COL6A6: variants seen among roughly 807,000 people sequenced by gnomAD.
COL6A6 encodes the protein collagen alpha-6(VI) chain.
In COL6A6, 183 loss-of-function variants were observed where a neutral mutation model predicts 208.6. The observed-to-expected ratio is 0.88, with a 90% CI of 0.78 to 0.99. The LOEUF is 0.99. COL6A6 is among the 50% of genes least tolerant of loss of function. The probability of loss-of-function intolerance (pLI) is 0.00; values close to 1 mark genes in which losing one functional copy is unlikely to be tolerated. For synonymous variants in COL6A6, 973 were observed against 1,011.8 expected, an observed-to-expected ratio of 0.96 and a Z score of 0.73; for missense variants, 2,816 against 2,815.2, an observed-to-expected ratio of 1.00 and a Z score of -0.01.
chr3:130,525,344 G>A (rs746430399), intron 1 of COL6A6, among the ~76,000 whole-genome samples: 8 of 152,130 alleles, frequency 5.3e-5, no homozygotes, highest in African/African-American at 1.4e-4. Context: ...TTTTAGAAGA[G>A]GGAAAAAAGG....
rs779270698 is a variant in COL6A6 at position 130,641,654 on chromosome 3, A to G, written c.5094A>G (p.Ile1698Met). 17 of 1,571,024 alleles carry G rather than the reference A, an allele frequency of 1.1e-5. No individual in the cohort carries two copies. Among genetic ancestry groups the G allele is most frequent in the Middle Eastern group, 1.8e-4 (1 of 5,692 alleles). The change falls in exon 29 of 37, where the codon ATA becomes ATG. Residue 1698 changes from isoleucine (I) to methionine (M), a missense_variant and splice_region_variant. By Grantham distance (10) the Ile-to-Met change is conservative (BLOSUM62 1). Transcript: ENST00000358511. ...TTTAAAATAAATTCTCCTTTGAGAT[A>G]TCTGCTGGGCTTCCAGGAGAGATGG... ...TGLKGARGKM[I>M]SAGLPGEMGS...
intron 23 of COL6A6, 44 bp from the exon 24 acceptor site, chr3:130,621,777 G>C: frequency 6.5e-7 from 1 of 1,547,184 alleles, no homozygotes; most frequent in Admixed American, 1.7e-5. Context: ...AAGAAAAGTT[G>C]CTTTATGTTT....
intron 23 of COL6A6, among the ~76,000 whole-genome samples, chr3:130,618,828 C>A (rs1297400649): frequency 6.6e-6 from 1 of 152,212 alleles, no homozygotes; most frequent in Non-Finnish European, 1.5e-5. Flanking sequence ...ACAGGATAAT[C>A]TCTCATTGTT....
intron 6 of COL6A6, 125 bp from the exon 7 acceptor site, chr3:130,570,693 G>A (rs376016768): frequency 2.0e-5 from 14 of 695,270 alleles, no homozygotes; most frequent in Non-Finnish European, 2.9e-5. Context: ...CCAGGGAACC[G>A]ACATTCTAAT....
chr3:130,519,054 C>G (rs935553594), intron 1 of COL6A6, among the ~76,000 whole-genome samples: 1 of 152,094 alleles, frequency 6.6e-6, no homozygotes, highest in Non-Finnish European at 1.5e-5. Context: ...TAAATACTTG[C>G]AATTTTCATT....
chr3:130,626,504 G>A lies in COL6A6; in HGVS notation c.4898G>A (p.Gly1633Glu), dbSNP rs1406865634. ...QGNKGEPGDLGEKGAVGFPGP... is the reference protein window; with the variant it reads ...QGNKGEPGDLEEKGAVGFPGP... ...TAACAGGGAGAACCTGGAGATCTGG[G>A]AGAAAAAGGAGCTGTTGGCTTTCCT... Residue 1633 changes from glycine (G) to glutamate (E), a missense_variant, in exon 25 of 37, where the codon GGA becomes GAA. By Grantham distance (98) the Gly-to-Glu change is moderately conservative. Coordinates refer to ENST00000358511, the MANE Select transcript of COL6A6 (RefSeq NM_001102608.3). 3 of 1,613,390 alleles carry A rather than the reference G, an allele frequency of 1.9e-6. No homozygotes were observed. The highest frequency in any genetic ancestry group is 1.3e-5 in the African/African-American group (1 of 75,050).
At chr3:130,656,337 C>T (rs545036234) in intron 33 of COL6A6, among the ~76,000 whole-genome samples, 23 of 152,092 alleles carry the variant, frequency 1.5e-4, no homozygotes, top group African/African-American at 5.1e-4. Flanking sequence ...TATTGAGTGA[C>T]AGAACAGCTC....
At position 130,675,309 on chromosome 3, in the gene COL6A6, A is replaced by T. The variant is rs942918693; in HGVS notation, c.6704A>T (p.Asp2235Val). Residue 2235 changes from aspartate to valine, a missense_variant, in exon 37 of 37, where the codon GAT becomes GTT. Asp to Val is a radical substitution (Grantham distance 152). Transcript: ENST00000358511. ...TCAAGAGTAGCAAGAAGTGGCAGAG[A>T]TGATGCTATTCAAAATTTTATGAGA... ...YLSRVARSGRDDAIQNFMRST... is the reference protein window; with the variant it reads ...YLSRVARSGRVDAIQNFMRST... 6.3e-7 allele frequency: 1 copy of T among 1,596,638 alleles called. No homozygotes were observed. Among genetic ancestry groups the T allele is most frequent in the Non-Finnish European group, 8.5e-7 (1 of 1,170,676 alleles).
intron 1 of COL6A6, among the ~76,000 whole-genome samples, chr3:130,531,264 GT>G (rs2107705312): frequency 6.6e-6 from 1 of 151,672 alleles, no homozygotes; most frequent in South Asian, 2.1e-4. Flanking sequence ...ACTGCAGGAT[GT>G]TTAGCAGCAT....
intron 7 of COL6A6, 26 bp downstream of exon 7, chr3:130,571,419 C>T (rs1162208953): frequency 1.3e-6 from 2 of 1,497,726 alleles, no homozygotes; most frequent in Non-Finnish European, 1.8e-6. Flanking sequence ...TAAGTTTTTC[C>T]TAATTATTAG....
chr3:130,626,425 A>C (rs1475047023), intron 24 of COL6A6, 60 bp from the exon 25 acceptor site: 1 of 1,160,780 alleles, frequency 8.6e-7, no homozygotes, highest in East Asian at 2.3e-5. Context: ...CACACAGATG[A>C]GCTGAATTAG....
intron 11 of COL6A6, among the ~76,000 whole-genome samples, chr3:130,588,796 G>C (rs1423265911): frequency 6.6e-6 from 1 of 151,910 alleles, no homozygotes; most frequent in African/African-American, 2.4e-5. Context: ...CACATCAGTT[G>C]GCATGCAGTC....
At chr3:130,618,775 C>A (rs1173682982) in intron 23 of COL6A6, among the ~76,000 whole-genome samples, 1 of 152,204 alleles carries the variant, frequency 6.6e-6, no homozygotes, top group African/African-American at 2.4e-5. Flanking sequence ...TGTATCCAAC[C>A]ATCTACTCAT....
At chr3:130,554,757 G>A (rs2062729441) in intron 1 of COL6A6, among the ~76,000 whole-genome samples, 1 of 152,178 alleles carries the variant, frequency 6.6e-6, no homozygotes. Flanking sequence ...GTGATGCAGG[G>A]GGTGGCCATG....
Position 130,568,522 on chromosome 3 carries a change from G to T in COL6A6, c.2319G>T (p.Glu773Asp). 6.2e-7 allele frequency: 1 copy of T among 1,612,856 alleles called. No individual in the cohort carries two copies. Among genetic ancestry groups the T allele is most frequent in the Non-Finnish European group, 8.5e-7 (1 of 1,179,884 alleles). The change falls in exon 6 of 37, where the codon GAG becomes GAT. Residue 773 changes from glutamate to aspartate, a missense_variant. Transcript: ENST00000358511. ...TTGAGGAGATCAGTGGGAGGCCCGA[G>T]ATGGTTTTTTATGTTGAGAATTTTG... is the stretch of plus-strand genomic sequence containing the variant. ...TQLEEISGRPEMVFYVENFDI... is the reference protein window; with the variant it reads ...TQLEEISGRPDMVFYVENFDI...
At chr3:130,672,501 C>T (rs1365583663) in intron 36 of COL6A6, among the ~76,000 whole-genome samples, 3 of 151,506 alleles carry the variant, frequency 2.0e-5, no homozygotes, top group Non-Finnish European at 4.4e-5. Context: ...CTCCCGGGTT[C>T]AAGCGATTCT....
In COL6A6 at chr3:130,676,710, T is replaced by C. The variant is rs1339620429; in HGVS notation, c.*1313T>C. 1.3e-5 allele frequency: 2 copies of C among 152,258 alleles called. No individual in the cohort carries two copies. The highest frequency in any genetic ancestry group is 2.9e-5 in the Non-Finnish European group (2 of 68,048). The allele number at this position is 152,258 out of a possible 1,614,324, so 9.4% of individuals were successfully genotyped here. ...TATTTTTTTAAAACGACTTCTGCTA[T>C]TCTTACTTAGAGAAATCCAGTGATA... On this transcript the variant is annotated 3_prime_UTR_variant, in exon 37 of 37. Coordinates refer to ENST00000358511, the MANE Select transcript of COL6A6 (RefSeq NM_001102608.3).
intron 1 of COL6A6, among the ~76,000 whole-genome samples, chr3:130,531,652 T>G (rs1011743651): frequency 2.0e-5 from 3 of 152,236 alleles, no homozygotes; most frequent in African/African-American, 7.2e-5. Flanking sequence ...TCTAATGTGC[T>G]TCTTATAGTC....
At chr3:130,654,647 C>A (rs937501173) in intron 33 of COL6A6, among the ~76,000 whole-genome samples, 6 of 152,212 alleles carry the variant, frequency 3.9e-5, no homozygotes, top group African/African-American at 1.4e-4. Context: ...GATAAGCAGC[C>A]TCTGCTTTTA....
Sources: allele counts gnomAD v4.1 joint callset (sites outside exome capture counted in the v4.1 genomes callset), GRCh38; gene constraint gnomAD v4.1.1; transcripts MANE v1.5; gene names NCBI Gene and HGNC (gene_info 2026-07-23, HGNC 2026-07-21).